Variants in JAZF1 observed in about 807,000 individuals in gnomAD.
The protein encoded by JAZF1 is JAZF zinc finger 1, also known as juxtaposed with another zinc finger protein 1.
A neutral mutation model predicts 26.4 loss-of-function variants in JAZF1; 8 were observed. That is an observed-to-expected ratio of 0.30 (90% CI 0.18 to 0.55). JAZF1 has a LOEUF of 0.55. JAZF1 is among the 20% of genes least tolerant of loss of function. The pLI, the probability that JAZF1 is intolerant of heterozygous loss-of-function variation, is 0.94. For synonymous variants in JAZF1, 126 were observed against 122.3 expected (o/e 1.03, Z -0.20); for missense variants, 199 against 322.0 (o/e 0.62, Z 2.92).
chr7:27,906,308 C>A (rs556014163), intron 2 of JAZF1, among the ~76,000 whole-genome samples: 1 of 152,122 alleles, frequency 6.6e-6, no homozygotes, highest in Non-Finnish European at 1.5e-5. Context: ...CCAGTGGAAA[C>A]GTCCTCATGA....
At chr7:28,075,344 T>C (rs1244384634) in intron 1 of JAZF1, among the ~76,000 whole-genome samples, 2 of 152,230 alleles carry the variant, frequency 1.3e-5, no homozygotes, top group African/African-American at 4.8e-5. Flanking sequence ...GAAGCTCATT[T>C]ATTTACTTAC....
intron 2 of JAZF1, among the ~76,000 whole-genome samples, chr7:27,937,778 C>T (rs1220862747): frequency 6.6e-6 from 1 of 152,164 alleles, no homozygotes; most frequent in Non-Finnish European, 1.5e-5. Context: ...TGTTTTCTAT[C>T]TCTTTCTTTG....
intron 1 of JAZF1, among the ~76,000 whole-genome samples, chr7:28,082,702 G>C (rs1446581443): frequency 6.6e-6 from 1 of 151,970 alleles, no homozygotes; most frequent in Non-Finnish European, 1.5e-5. Context: ...CCCCTCTCTG[G>C]AACCTTACCC....
chr7:27,982,702 G>T (rs1257283825), intron 2 of JAZF1, among the ~76,000 whole-genome samples: 1 of 152,180 alleles, frequency 6.6e-6, no homozygotes, highest in Non-Finnish European at 1.5e-5. Flanking sequence ...ACACCTCCCA[G>T]TAGGGGCCAA....
chr7:27,888,651 C>T (rs1428239469), intron 3 of JAZF1, among the ~76,000 whole-genome samples: 1 of 151,976 alleles, frequency 6.6e-6, no homozygotes, highest in Non-Finnish European at 1.5e-5. Context: ...ACTTTATAAT[C>T]TGAACAATTT....
At chr7:27,935,304 A>G (rs1784749402) in intron 2 of JAZF1, among the ~76,000 whole-genome samples, 1 of 152,240 alleles carries the variant, frequency 6.6e-6, no homozygotes, top group East Asian at 1.9e-4. Context: ...TCAAAATGCA[A>G]CTGTACCTCG....
intron 3 of JAZF1, among the ~76,000 whole-genome samples, chr7:27,884,846 C>G (rs1413897146): frequency 6.6e-6 from 1 of 152,204 alleles, no homozygotes; most frequent in Non-Finnish European, 1.5e-5. Context: ...TTTCACTCCT[C>G]TTTGGTAAAT....
intron 2 of JAZF1, among the ~76,000 whole-genome samples, chr7:27,991,142 CA>C (rs1785894428): frequency 6.6e-6 from 1 of 152,304 alleles, no homozygotes; most frequent in African/African-American, 2.4e-5. Flanking sequence ...AGACTAAAAA[CA>C]CTCCTCACCT....
rs78425904 is a variant in JAZF1 at position 27,933,090 on chromosome 7, G to A, written c.189-37674C>T. Among the ~76,000 whole-genome samples the A allele has an allele frequency of 1.6e-3, 246 of 152,224 alleles. 2 individuals carry two copies. The highest frequency in any genetic ancestry group is 3.4e-3 in the Middle Eastern group (1 of 294). ...GGTATTATTAATTCAATTTTCCAAC[G>A]GAGGAAAATGGGCTCAGTGATGTAT... is the stretch of plus-strand genomic sequence containing the variant. On this transcript the variant is annotated intron_variant, in intron 2 of 4. Transcript: ENST00000283928.
At chr7:27,852,015 ACACTGATGCTTGGT>A (rs1783160024) in intron 3 of JAZF1, among the ~76,000 whole-genome samples, 1 of 151,988 alleles carries the variant, frequency 6.6e-6, no homozygotes, top group Non-Finnish European at 1.5e-5. Context: ...TTATGGACCC[ACACTGATGCTTGGT>A]CAGTATGCAG....
intron 1 of JAZF1, among the ~76,000 whole-genome samples, chr7:28,154,838 A>AG (rs1229051266): frequency 6.6e-6 from 1 of 152,028 alleles, no homozygotes; most frequent in African/African-American, 2.4e-5. Flanking sequence ...TGAAAAAAAA[A>AG]GGGGGCTCTC....
At chr7:27,947,016 G>C (rs1363523014) in intron 2 of JAZF1, among the ~76,000 whole-genome samples, 1 of 152,234 alleles carries the variant, frequency 6.6e-6, no homozygotes, top group Non-Finnish European at 1.5e-5. Flanking sequence ...AAATGGTCCT[G>C]AAGTTTTTGT....
chr7:28,156,762 C>G (rs1480443011), intron 1 of JAZF1, among the ~76,000 whole-genome samples: 2 of 152,176 alleles, frequency 1.3e-5, no homozygotes, highest in East Asian at 3.9e-4. Flanking sequence ...AGAGACCACT[C>G]TTGGAGACCA....
chr7:27,965,950 C>G (rs1785268189), intron 2 of JAZF1, among the ~76,000 whole-genome samples: 1 of 152,182 alleles, frequency 6.6e-6, no homozygotes, highest in African/African-American at 2.4e-5. Flanking sequence ...AGATGACTGT[C>G]AAGTGACATG....
At chr7:28,098,143 T>A (rs1479874865) in intron 1 of JAZF1, among the ~76,000 whole-genome samples, 1 of 152,170 alleles carries the variant, frequency 6.6e-6, no homozygotes, top group Non-Finnish European at 1.5e-5. Context: ...GATCAGGTCA[T>A]GAGGGTCTCT....
chr7:27,935,829 C>T (rs922597703), intron 2 of JAZF1, among the ~76,000 whole-genome samples: 4 of 152,026 alleles, frequency 2.6e-5, no homozygotes, highest in African/African-American at 9.7e-5. Flanking sequence ...CAAATCTCTT[C>T]TACCCAATTT....
At chr7:28,036,471 G>C (rs940321882) in intron 1 of JAZF1, among the ~76,000 whole-genome samples, 20 of 152,206 alleles carry the variant, frequency 1.3e-4, no homozygotes, top group Non-Finnish European at 2.4e-4. Context: ...ACTCATTTTT[G>C]GGGGGAACAA....
chr7:28,003,741 A>G (rs916875476), intron 1 of JAZF1, among the ~76,000 whole-genome samples: 2 of 152,030 alleles, frequency 1.3e-5, no homozygotes, highest in Non-Finnish European at 2.9e-5. Context: ...CTCTGACATC[A>G]TGCATCACAT....
chr7:27,981,327 T>C (rs970290247), intron 2 of JAZF1, among the ~76,000 whole-genome samples: 14 of 152,162 alleles, frequency 9.2e-5, no homozygotes, highest in African/African-American at 2.7e-4. Flanking sequence ...ATCCAGAAGG[T>C]AGAAACATTC....
Sources: gnomAD v4.1 joint callset for allele counts (sites outside exome capture counted in the v4.1 genomes callset) on GRCh38, gnomAD v4.1.1 for gene constraint, MANE v1.5 for transcripts, NCBI Gene and HGNC (gene_info 2026-07-23, HGNC 2026-07-21) for gene names.